Variants in MAP2K2 observed in about 807,000 individuals in gnomAD.
MAP2K2 encodes the protein mitogen-activated protein kinase kinase 2.
Under a neutral mutation model 43.7 loss-of-function variants are expected in MAP2K2, and 24 were observed. The observed-to-expected ratio is 0.55, with a 90% CI of 0.40 to 0.77. The LOEUF (loss-of-function observed/expected upper bound fraction) is 0.77. Among genes scored for constraint, MAP2K2 ranks in the 30% least tolerant of loss-of-function variants. The pLI is 0.00. For missense variants in MAP2K2, 470 were observed against 566.8 expected, an observed-to-expected ratio of 0.83 and a Z score of 1.73; for synonymous variants, 244 against 239.7, an observed-to-expected ratio of 1.02 and a Z score of -0.17.
intron 3 of MAP2K2, chr19:4,103,487 G>A (rs1018586154): frequency 9.3e-6 from 1 of 108,042 alleles, no homozygotes; most frequent in Non-Finnish European, 2.3e-5. Context: ...CGTCTCTTCT[G>A]TGCTCAGCAG....
chr19:4,109,262 T>A (rs377018601), intron 3 of MAP2K2, among the ~76,000 whole-genome samples: 16 of 152,186 alleles, frequency 1.1e-4, no homozygotes, highest in African/African-American at 3.9e-4. Context: ...CTCACCCACT[T>A]CTGGGCTTCG....
chr19:4,121,577 A>AC (rs1164234721), intron 1 of MAP2K2, among the ~76,000 whole-genome samples: 1 of 37,260 alleles, frequency 2.7e-5, no homozygotes, highest in Non-Finnish European at 4.7e-5. Flanking sequence ...CCACAACATG[A>AC]CCCCCCGAGG....
In MAP2K2 at chr19:4,101,784, C is replaced by T. The variant is rs1248474575; in HGVS notation, c.529-504G>A. Among the ~76,000 whole-genome samples the T allele has an allele frequency of 6.6e-6, 1 of 152,150 alleles. No individual in the cohort carries two copies. The highest frequency in any genetic ancestry group is 1.9e-4 in the East Asian group (1 of 5,194). On this transcript the variant is annotated intron_variant, in intron 4 of 10. Transcript: ENST00000262948. This position sits in a 1 kb window ranked among gnomAD's most constrained non-coding sequence, Gnocchi z 6.3. Reference sequence around the variant, plus strand: ...GCACAGGCAGTGTGACGGCAGCTTTCAACTCGGAAACGCGTGTCTGGCAGC... The same window carrying T: ...GCACAGGCAGTGTGACGGCAGCTTTTAACTCGGAAACGCGTGTCTGGCAGC...
chr19:4,123,612 G>GAACCT (rs1568266655), intron 1 of MAP2K2, among the ~76,000 whole-genome samples, 172 bp downstream of exon 1: 1 of 49,394 alleles, frequency 2.0e-5, no homozygotes, highest in Non-Finnish European at 3.4e-5. Context: ...AGGGTCCCCT[G>GAACCT]CCCTGTCCTC....
intron 3 of MAP2K2, 41 bp downstream of exon 3, chr19:4,110,468 C>G (rs529263334): frequency 6.2e-7 from 1 of 1,609,300 alleles, no homozygotes; most frequent in East Asian, 2.2e-5. Flanking sequence ...TGCTCTGTTC[C>G]GTGGAGGCCC....
rs376942799 is a variant in MAP2K2 at position 4,115,200 on chromosome 19, C to T, written c.303+2219G>A. On this transcript the variant is annotated intron_variant, in intron 2 of 10. Coordinates refer to ENST00000262948, the MANE Select transcript of MAP2K2 (RefSeq NM_030662.4). The surrounding 1 kb of genome is among the most constrained non-coding windows in gnomAD (Gnocchi z 4.1). ...TTACATGACGGAAGGACAGTACTGA[C>T]ACCCAGAGCTGATGCTGGGACATCT... 1.9e-4 allele frequency among the ~76,000 whole-genome samples: 29 copies of T among 152,172 alleles called. No homozygotes were observed. Among genetic ancestry groups the T allele is most frequent in the African/African-American group, 6.5e-4 (27 of 41,426 alleles).
Position 4,102,473 on chromosome 19 carries a change from T to C in MAP2K2, c.451-20A>G, listed in dbSNP as rs767343295. The C allele has an allele frequency of 5.7e-6, 9 of 1,566,690 alleles. No individual in the cohort carries two copies. Among genetic ancestry groups the C allele is most frequent in the East Asian group, 4.6e-5 (2 of 43,952 alleles). ...GCCGTCCTAGAGGGCACACAAGGAG[T>C]GAGTGCAGGCTCTGCGCAGGTGGCC... On this transcript the variant is annotated intron_variant, in intron 3 of 10. Coordinates refer to ENST00000262948, the MANE Select transcript of MAP2K2 (RefSeq NM_030662.4).
chr19:4,108,938 C>A (rs1457875151), intron 3 of MAP2K2, among the ~76,000 whole-genome samples: 1 of 152,180 alleles, frequency 6.6e-6, no homozygotes, highest in Non-Finnish European at 1.5e-5. Flanking sequence ...TTGATGCCGC[C>A]GGCAACGTGA....
chr19:4,119,818 A>G (rs112565629), intron 1 of MAP2K2, among the ~76,000 whole-genome samples: 204 of 152,354 alleles, frequency 1.3e-3, no homozygotes, highest in African/African-American at 4.7e-3. Context: ...GTGGACAGCC[A>G]GAGAGGGGAC....
At chr19:4,111,984 C>A (rs1282038416) in intron 2 of MAP2K2, among the ~76,000 whole-genome samples, 3 of 148,826 alleles carry the variant, frequency 2.0e-5, no homozygotes, top group African/African-American at 7.8e-5. Context: ...AAAACAACAA[C>A]AACAACAACA....
chr19:4,097,205 TA>T (rs10681431), intron 8 of MAP2K2, 73 bp downstream of exon 8: 50,022 of 557,548 alleles, frequency 0.09, no homozygotes, highest in Non-Finnish European at 0.097. Context: ...AGACTCTGCC[TA>T]AAAAAAAAAA....
intron 10 of MAP2K2, among the ~76,000 whole-genome samples, chr19:4,091,453 A>T (rs2040853989): frequency 1.3e-5 from 2 of 151,670 alleles, no homozygotes; most frequent in Admixed American, 6.6e-5. Flanking sequence ...CCCGGGTTCA[A>T]GCGATTCTCC....
intron 3 of MAP2K2, among the ~76,000 whole-genome samples, chr19:4,103,847 G>A (rs2041050204): frequency 1.3e-5 from 2 of 152,232 alleles, no homozygotes; most frequent in South Asian, 2.1e-4. Context: ...GGGCAGGTAT[G>A]GCCAGGGCTC....
chr19:4,104,711 A>G (rs2041061439), intron 3 of MAP2K2: 1 of 152,242 alleles, frequency 6.6e-6, no homozygotes, highest in South Asian at 2.1e-4. Flanking sequence ...GTTTAGTGAG[A>G]AAATTCAAAG....
At chr19:4,111,125 G>A (rs1347058201) in intron 2 of MAP2K2, among the ~76,000 whole-genome samples, 1 of 152,178 alleles carries the variant, frequency 6.6e-6, no homozygotes, top group Non-Finnish European at 1.5e-5. Flanking sequence ...TGGGTGCCGG[G>A]GGCTGGAGGA....
At chr19:4,100,647 G>A (rs981175613) in intron 6 of MAP2K2, 9 of 287,842 alleles carry the variant, frequency 3.1e-5, no homozygotes, top group Non-Finnish European at 5.4e-5. Context: ...GAGACCCCGT[G>A]TCTACAAAAG....
chr19:4,099,425 G>C lies in MAP2K2; in HGVS notation c.706-11C>G. Reference sequence around the variant, plus strand: ...CTGCAACCGCTCCGGCTGCAGCAGAGCCAGGGAGGAAAGAGCCCAGAGGGG... The same window carrying C: ...CTGCAACCGCTCCGGCTGCAGCAGACCCAGGGAGGAAAGAGCCCAGAGGGG... On this transcript the variant is annotated splice_polypyrimidine_tract_variant and intron_variant, in intron 6 of 10. Transcript: ENST00000262948. 2 of 1,590,056 alleles carry C rather than the reference G, an allele frequency of 1.3e-6. No individual in the cohort carries two copies. Among genetic ancestry groups the C allele is most frequent in the Non-Finnish European group, 8.6e-7 (1 of 1,168,196 alleles).
At chr19:4,098,937 T>C (rs2040959875) in intron 7 of MAP2K2, among the ~76,000 whole-genome samples, 1 of 152,238 alleles carries the variant, frequency 6.6e-6, no homozygotes, top group African/African-American at 2.4e-5. Flanking sequence ...AGGGGCTTGG[T>C]GGCAAAGCTG....
chr19:4,099,176 C>T (rs557124061), intron 7 of MAP2K2, 25 bp downstream of exon 7: 36 of 1,581,398 alleles, frequency 2.3e-5, no homozygotes, highest in Non-Finnish European at 2.9e-5. Flanking sequence ...GCGTCCAGAC[C>T]GGAAGTTGCA....
Sources: allele counts gnomAD v4.1 joint callset (sites outside exome capture counted in the v4.1 genomes callset), GRCh38; gene constraint gnomAD v4.1.1; non-coding constraint Gnocchi (gnomAD v3.1); transcripts MANE v1.5; gene names NCBI Gene and HGNC (gene_info 2026-07-23, HGNC 2026-07-21).